The following PXDNL variants were observed in gnomAD, a reference collection of about 807,000 sequenced individuals.
PXDNL encodes the protein probable oxidoreductase PXDNL.
In PXDNL, 145 loss-of-function variants were observed where a neutral mutation model predicts 150.8. That is an observed-to-expected ratio of 0.96 (90% confidence interval 0.84 to 1.10). PXDNL has a LOEUF of 1.10. Among genes scored for constraint, PXDNL ranks in the 50% least tolerant of loss-of-function variants. The pLI, the probability that PXDNL is intolerant of heterozygous loss-of-function variation, is 0.00. For missense variants in PXDNL, 2,087 were observed against 1,873.9 expected (o/e 1.11, Z -2.10); for synonymous variants, 757 against 725.7 (o/e 1.04, Z -0.69).
At chr8:51,508,496 TTC>T (rs1485386650) in intron 4 of PXDNL, among the ~76,000 whole-genome samples, 3 of 152,184 alleles carry the variant, frequency 2.0e-5, no homozygotes, top group Admixed American at 6.5e-5. Context: ...CTTCCCTGGC[TTC>T]CAGGATGCCA....
chr8:51,562,987 A>G (rs1812747745), intron 3 of PXDNL, among the ~76,000 whole-genome samples: 1 of 151,900 alleles, frequency 6.6e-6, no homozygotes, highest in Admixed American at 6.6e-5. Context: ...TGCTCTTGCA[A>G]CCCTGTGACA....
At chr8:51,660,784 A>G (rs1199019043) in intron 1 of PXDNL, among the ~76,000 whole-genome samples, 2 of 152,012 alleles carry the variant, frequency 1.3e-5, no homozygotes, top group Admixed American at 6.5e-5. Context: ...CTGGGCTGTT[A>G]TTTTATTGGG....
intron 2 of PXDNL, among the ~76,000 whole-genome samples, chr8:51,635,999 T>C (rs563986143): frequency 1.3e-5 from 2 of 152,188 alleles, no homozygotes; most frequent in African/African-American, 4.8e-5. Flanking sequence ...TAAACATTAT[T>C]CACCAGGATC....
At chr8:51,346,570 G>C (rs1806165868) in intron 19 of PXDNL, among the ~76,000 whole-genome samples, 1 of 152,202 alleles carries the variant, frequency 6.6e-6, no homozygotes, top group African/African-American at 2.4e-5. Context: ...CAAACCTGCT[G>C]TTGAGATGTA....
chr8:51,753,524 C>A (rs1464672364), intron 1 of PXDNL, among the ~76,000 whole-genome samples: 1 of 152,206 alleles, frequency 6.6e-6, no homozygotes, highest in Non-Finnish European at 1.5e-5. Flanking sequence ...TTTATGTGTT[C>A]ATTCTGATCC....
At chr8:51,535,507 T>C (rs1255016517) in intron 4 of PXDNL, among the ~76,000 whole-genome samples, 3 of 122,676 alleles carry the variant, frequency 2.4e-5, no homozygotes, top group East Asian at 2.3e-4. Flanking sequence ...GTTAAACAGA[T>C]GCTTGAAGGC....
At chr8:51,508,205 A>G (rs1195928532) in intron 4 of PXDNL, among the ~76,000 whole-genome samples, 2 of 152,214 alleles carry the variant, frequency 1.3e-5, no homozygotes, top group East Asian at 3.9e-4. Context: ...GCACTAACTC[A>G]CAATCGTCTC....
At chr8:51,661,157 G>C (rs1192629582) in intron 1 of PXDNL, among the ~76,000 whole-genome samples, 1 of 152,154 alleles carries the variant, frequency 6.6e-6, no homozygotes, top group Non-Finnish European at 1.5e-5. Flanking sequence ...CAAGCATCTG[G>C]AGGACACCCT....
intron 1 of PXDNL, among the ~76,000 whole-genome samples, chr8:51,681,098 G>A (rs1165721879): frequency 6.6e-6 from 1 of 152,106 alleles, no homozygotes; most frequent in Non-Finnish European, 1.5e-5. Flanking sequence ...CAGGACTGGT[G>A]CACCTTTTTC....
intron 2 of PXDNL, among the ~76,000 whole-genome samples, chr8:51,607,468 A>G (rs1264774741): frequency 6.6e-6 from 1 of 152,114 alleles, no homozygotes; most frequent in Non-Finnish European, 1.5e-5. Context: ...CCCCACTGCC[A>G]ATAAGTGCTG....
At chr8:51,327,882 A>C (rs757300076) in intron 21 of PXDNL, among the ~76,000 whole-genome samples, 1 of 151,940 alleles carries the variant, frequency 6.6e-6, no homozygotes, top group Non-Finnish European at 1.5e-5. Context: ...CTGAAGAGAC[A>C]GGAGGATAAC....
chr8:51,685,361 C>T (rs555274799), intron 1 of PXDNL, among the ~76,000 whole-genome samples: 1 of 152,318 alleles, frequency 6.6e-6, no homozygotes, highest in South Asian at 2.1e-4. Flanking sequence ...GCCATGCCTT[C>T]ATTCTTCAAA....
chr8:51,413,314 G>C (rs1028433516), intron 14 of PXDNL, 56 bp from the exon 15 acceptor site: 1 of 1,029,402 alleles, frequency 9.7e-7, no homozygotes, highest in Non-Finnish European at 1.5e-6. Flanking sequence ...AGTTAGGCAT[G>C]ATATTATATG....
chr8:51,778,127 G>A (rs1189215682), intron 1 of PXDNL, among the ~76,000 whole-genome samples: 2 of 151,946 alleles, frequency 1.3e-5, no homozygotes, highest in African/African-American at 2.4e-5. Context: ...ACAAGGTCAG[G>A]AGATCGAGAC....
intron 2 of PXDNL, among the ~76,000 whole-genome samples, chr8:51,626,239 A>G (rs1253935782): frequency 6.6e-6 from 1 of 152,182 alleles, no homozygotes; most frequent in African/African-American, 2.4e-5. Context: ...TTACCTGTCT[A>G]TGTCTACCTG....
chr8:51,687,411 A>G (rs1815900822), intron 1 of PXDNL, among the ~76,000 whole-genome samples: 1 of 152,234 alleles, frequency 6.6e-6, no homozygotes, highest in African/African-American at 2.4e-5. Context: ...TCATTATCTC[A>G]ACTGTATTAT....
intron 6 of PXDNL, 136 bp from the exon 7 acceptor site, chr8:51,475,277 A>G (rs1810447351): frequency 1.3e-6 from 1 of 780,808 alleles, no homozygotes; most frequent in African/African-American, 1.7e-5. Flanking sequence ...CTATTAACCA[A>G]TAAACAGATT....
Position 51,422,911 on chromosome 8 carries a change from A to G in PXDNL, c.1795+664T>C, listed in dbSNP as rs527525597. On this transcript the variant is annotated intron_variant, in intron 14 of 22. Coordinates refer to ENST00000356297, the MANE Select transcript of PXDNL (RefSeq NM_144651.5). ...AGCTGAGTTTCAGTACAGTCTACTC[A>G]AGTCTGCCTACAAATGGACTCTCCC... is the stretch of plus-strand genomic sequence containing the variant. 8.5e-5 allele frequency among the ~76,000 whole-genome samples: 13 copies of G among 152,338 alleles called. No individual in the cohort carries two copies. In the South Asian group the frequency reaches 2.5e-3, roughly 29 times the overall value.
At chr8:51,624,857 T>C (rs1233692521) in intron 2 of PXDNL, among the ~76,000 whole-genome samples, 2 of 151,762 alleles carry the variant, frequency 1.3e-5, no homozygotes, top group Admixed American at 1.3e-4. Flanking sequence ...GAATTATGTA[T>C]ATTTGATGGT....
Sources: allele counts gnomAD v4.1 joint callset (sites outside exome capture counted in the v4.1 genomes callset), GRCh38; gene constraint gnomAD v4.1.1; transcripts MANE v1.5; gene names NCBI Gene and HGNC (gene_info 2026-07-23, HGNC 2026-07-21).